Variants in MPP7 observed in about 807,000 individuals in gnomAD.
MPP7 encodes MAGUK p55 scaffold protein 7, also known as MAGUK p55 subfamily member 7.
MPP7 carries 60 observed loss-of-function variants against 76.5 expected under a neutral mutation model. The observed-to-expected ratio is 0.78, with a 90% CI of 0.64 to 0.97. The LOEUF (loss-of-function observed/expected upper bound fraction) is 0.97, where lower values mean the gene tolerates loss of function less well. MPP7 is among the 50% of genes least tolerant of loss of function. The probability of loss-of-function intolerance (pLI) is 0.00; values close to 1 mark genes in which losing one functional copy is unlikely to be tolerated. For missense variants in MPP7, 641 were observed against 694.0 expected, an observed-to-expected ratio of 0.92 and a Z score of 0.86; for synonymous variants, 237 against 244.5, an observed-to-expected ratio of 0.97 and a Z score of 0.29.
At chr10:28,102,776 A>G (rs1000564408) in intron 11 of MPP7, among the ~76,000 whole-genome samples, 1 of 152,008 alleles carries the variant, frequency 6.6e-6, no homozygotes. Flanking sequence ...TTTTCTCACC[A>G]CCTCCACAGA....
intron 1 of MPP7, among the ~76,000 whole-genome samples, chr10:28,271,644 A>G (rs1840329152): frequency 6.6e-6 from 1 of 152,158 alleles, no homozygotes; most frequent in African/African-American, 2.4e-5. Flanking sequence ...ATATAGACAG[A>G]TGCAGCTGCC....
intron 2 of MPP7, among the ~76,000 whole-genome samples, chr10:28,207,899 T>A (rs1838000819): frequency 1.3e-5 from 2 of 152,136 alleles, no homozygotes; most frequent in African/African-American, 4.8e-5. Flanking sequence ...AAGAAAACAC[T>A]AGTGATTTAT....
intron 1 of MPP7, among the ~76,000 whole-genome samples, chr10:28,251,885 C>G (rs1021824283): frequency 2.0e-5 from 3 of 152,112 alleles, no homozygotes; most frequent in Non-Finnish European, 4.4e-5. Flanking sequence ...AGTAATGACC[C>G]CCATCTCTAA....
At chr10:28,106,416 A>G (rs1370912356) in intron 11 of MPP7, among the ~76,000 whole-genome samples, 2 of 152,196 alleles carry the variant, frequency 1.3e-5, no homozygotes, top group Non-Finnish European at 2.9e-5. Context: ...ATCCCTTGGC[A>G]TCTCCAAACT....
chr10:28,170,988 G>A (rs760598424), intron 3 of MPP7, among the ~76,000 whole-genome samples: 8 of 152,154 alleles, frequency 5.3e-5, no homozygotes, highest in Non-Finnish European at 8.8e-5. Context: ...TACACGCTCT[G>A]AGGAATAGCT....
At chr10:28,092,577 CTTTT>C (rs397969009) in intron 11 of MPP7, among the ~76,000 whole-genome samples, 1 of 121,110 alleles carries the variant, frequency 8.3e-6, no homozygotes. Context: ...GAAAAGGGAC[CTTTT>C]TTTTTTTTTG....
At chr10:28,306,718 T>C (rs1841260261), upstream of MPP7, among the ~76,000 whole-genome samples, 1 of 149,576 alleles carries the variant, frequency 6.7e-6, no homozygotes, top group Non-Finnish European at 1.5e-5. Flanking sequence ...AGATAGATGA[T>C]AGATAATAGA....
intron 2 of MPP7, among the ~76,000 whole-genome samples, chr10:28,221,091 G>A (rs1005024161): frequency 1.3e-5 from 2 of 152,018 alleles, no homozygotes. Context: ...ACAAAAAGAC[G>A]AACCCTCATT....
At chr10:28,277,299 C>G (rs1271409691) in intron 1 of MPP7, among the ~76,000 whole-genome samples, 2 of 150,328 alleles carry the variant, frequency 1.3e-5, no homozygotes, top group African/African-American at 4.9e-5. Flanking sequence ...TCCTGGGCCA[C>G]AGTAGAAGAA....
intron 6 of MPP7, among the ~76,000 whole-genome samples, chr10:28,128,089 T>C (rs1367384151): frequency 6.6e-6 from 1 of 152,144 alleles, no homozygotes; most frequent in Admixed American, 6.5e-5. Flanking sequence ...TGAGTCACTG[T>C]GAGGACACTG....
chr10:28,071,139 C>T (rs913445229), intron 12 of MPP7, among the ~76,000 whole-genome samples: 8 of 152,202 alleles, frequency 5.3e-5, no homozygotes, highest in South Asian at 2.1e-4. Context: ...GAACTGAGAA[C>T]GCATGCACAG....
chr10:28,092,140 G>A (rs1853336536), intron 11 of MPP7, among the ~76,000 whole-genome samples: 1 of 152,178 alleles, frequency 6.6e-6, no homozygotes, highest in Non-Finnish European at 1.5e-5. Flanking sequence ...TGGATTCAGA[G>A]TTTGATAAAA....
chr10:28,233,933 G>A (rs12268225), intron 2 of MPP7, among the ~76,000 whole-genome samples: 4,644 of 151,252 alleles, frequency 0.031, 144 homozygotes, highest in African/African-American at 0.071. Flanking sequence ...AAAGAAGAGA[G>A]AAGACAGAAG....
At chr10:28,082,970 C>A (rs1365806364) in intron 12 of MPP7, among the ~76,000 whole-genome samples, 2 of 152,140 alleles carry the variant, frequency 1.3e-5, no homozygotes, top group Non-Finnish European at 2.9e-5. Context: ...TTTTGTTTAA[C>A]CCTCAAAACA....
At position 28,069,850 on chromosome 10, in the gene MPP7, G is replaced by A. The variant is rs1441972885; in HGVS notation, c.1126C>T (p.Pro376Ser). The change falls in exon 13 of 17, where the codon CCC (proline) becomes TCC (serine). Residue 376 changes from proline to serine, a missense_variant and splice_region_variant. Transcript: ENST00000683449. ...AGTTCATTCAGCCCTACTCCCACGG[G>A]ACCTGAAAAACAGGGTAACAGAAAT... ...EKYRLVVLVGPVGVGLNELKR... is the reference protein window; with the variant it reads ...EKYRLVVLVGSVGVGLNELKR... The A allele has an allele frequency of 1.2e-6, 2 of 1,613,122 alleles. No individual in the cohort carries two copies. Among genetic ancestry groups the A allele is most frequent in the Non-Finnish European group, 1.7e-6 (2 of 1,179,556 alleles).
intron 3 of MPP7, among the ~76,000 whole-genome samples, chr10:28,173,055 C>T (rs1433619515): frequency 6.6e-6 from 1 of 151,964 alleles, no homozygotes; most frequent in Admixed American, 6.6e-5. Context: ...GTTTGATCGA[C>T]TTTTAAATAA....
At chr10:28,203,496 T>A (rs1265386447) in intron 2 of MPP7, among the ~76,000 whole-genome samples, 5 of 129,860 alleles carry the variant, frequency 3.9e-5, no homozygotes, top group Non-Finnish European at 5.0e-5. Context: ...AAACAGTCTT[T>A]AAAAAAAAAA....
intron 1 of MPP7, among the ~76,000 whole-genome samples, chr10:28,253,373 G>A (rs866071745): frequency 2.6e-5 from 4 of 152,156 alleles, no homozygotes; most frequent in South Asian, 2.1e-4. Flanking sequence ...GTAAGCTCAA[G>A]TAGTGAGCCC....
chr10:28,089,372 A>G (rs79616716), intron 12 of MPP7, among the ~76,000 whole-genome samples: 1,843 of 152,286 alleles, frequency 0.012, 54 homozygotes, highest in East Asian at 0.12. Context: ...GTGTTCAAAA[A>G]TATTCACTTC....
Sources: allele counts gnomAD v4.1 joint callset (sites outside exome capture counted in the v4.1 genomes callset), GRCh38; gene constraint gnomAD v4.1.1; transcripts MANE v1.5; gene names NCBI Gene and HGNC (gene_info 2026-07-23, HGNC 2026-07-21).